DNAJC6: variants seen among roughly 807,000 people sequenced by gnomAD.
The protein encoded by DNAJC6 is DnaJ heat shock protein family (Hsp40) member C6, also known as auxilin.
DNAJC6 carries 34 observed loss-of-function variants against 110.0 expected under a neutral mutation model. That is an observed-to-expected ratio of 0.31 (90% CI 0.24 to 0.41). The LOEUF (loss-of-function observed/expected upper bound fraction) is 0.41, where lower values mean the gene tolerates loss of function less well. Ranked by LOEUF, DNAJC6 falls within the 10% of genes least tolerant of loss-of-function variation. The pLI is 1.00. For missense variants in DNAJC6, 1,031 were observed against 1,207.8 expected (o/e 0.85, Z 2.17); for synonymous variants, 406 against 437.2 (o/e 0.93, Z 0.89).
At chr1:65,341,786 T>C (rs1645391801) in intron 1 of DNAJC6, among the ~76,000 whole-genome samples, 1 of 147,814 alleles carries the variant, frequency 6.8e-6, no homozygotes, top group Non-Finnish European at 1.5e-5. Context: ...AGGCTGTGTG[T>C]GCCTGTGGGG....
intron 1 of DNAJC6, among the ~76,000 whole-genome samples, chr1:65,337,165 A>T (rs1645345418): frequency 6.8e-6 from 1 of 147,646 alleles, no homozygotes; most frequent in Non-Finnish European, 1.5e-5. Context: ...CATTCAGATT[A>T]GCTTTTTGCA....
chr1:65,311,215 GTTTTTTTTTTTTTTTTTTT>G (rs71056098), intron 1 of DNAJC6, among the ~76,000 whole-genome samples: 2 of 68,830 alleles, frequency 2.9e-5, no homozygotes, highest in African/African-American at 5.5e-5. Context: ...TTTCAGGACT[GTTTTTTTTTTTTTTTTTTT>G]TTTTTTTTGA....
Position 65,383,854 on chromosome 1 carries a change from C to T in DNAJC6, c.667-339C>T, listed in dbSNP as rs1057402781. On this transcript the variant is annotated intron_variant, in intron 5 of 18. Coordinates refer to ENST00000371069, the MANE Select transcript of DNAJC6 (RefSeq NM_001256864.2). ...GCAGCATTTACCTAACCTGTGAGCT[C>T]GTTACTTCCAGTCCTAAACCAAGAG... Among the ~76,000 whole-genome samples, 7 of 152,180 alleles carry T rather than the reference C, an allele frequency of 4.6e-5. 1 individual carries two copies. Among genetic ancestry groups the T allele is most frequent in the Admixed American group, 3.3e-4 (5 of 15,282 alleles).
Position 65,364,622 on chromosome 1 carries a change from T to G in DNAJC6, c.194-13T>G, listed in dbSNP as rs765899995. The G allele has an allele frequency of 5.7e-5, 88 of 1,534,060 alleles. 1 individual carries two copies. The highest frequency in any genetic ancestry group is 1.6e-4 in the Admixed American group (7 of 43,092). On this transcript the variant is annotated splice_polypyrimidine_tract_variant and intron_variant, in intron 1 of 18. Transcript: ENST00000371069. ...ACCATTTTTGTTTGTTTGTTTTTTT[T>G]TTTTTTTGGCAGGTGCCTCATCTCC...
intron 1 of DNAJC6, among the ~76,000 whole-genome samples, chr1:65,318,383 C>T (rs1350961721): frequency 1.3e-5 from 2 of 151,982 alleles, no homozygotes; most frequent in Admixed American, 6.6e-5. Context: ...ATACTGCAGC[C>T]CCAGGGAAAA....
chr1:65,379,336 G>A, intron 4 of DNAJC6, 66 bp from the exon 5 acceptor site: 2 of 1,596,328 alleles, frequency 1.3e-6, no homozygotes, highest in East Asian at 2.2e-5. Flanking sequence ...GTTGGTTGGT[G>A]TGATAACCTG....
intron 1 of DNAJC6, among the ~76,000 whole-genome samples, chr1:65,268,848 CTT>C (rs1653417935): frequency 6.6e-6 from 1 of 151,950 alleles, no homozygotes; most frequent in Non-Finnish European, 1.5e-5. Flanking sequence ...TCCAAATTTT[CTT>C]TTTACTAAGT....
intron 4 of DNAJC6, among the ~76,000 whole-genome samples, chr1:65,378,428 C>T (rs1645787675): frequency 6.6e-6 from 1 of 152,218 alleles, no homozygotes; most frequent in South Asian, 2.1e-4. Context: ...CATTTATTAT[C>T]ACTCTGGGTG....
intron 1 of DNAJC6, among the ~76,000 whole-genome samples, chr1:65,280,049 G>A (rs925337068): frequency 3.3e-5 from 5 of 152,074 alleles, no homozygotes; most frequent in Non-Finnish European, 5.9e-5. Context: ...AGGTTGTTGT[G>A]AGATTAGAAC....
chr1:65,386,016 CT>C (rs1645868663), intron 7 of DNAJC6, 110 bp downstream of exon 7: 2 of 1,099,186 alleles, frequency 1.8e-6, no homozygotes, highest in African/African-American at 3.1e-5. Context: ...TGTGAAATAG[CT>C]GATATATAAA....
At chr1:65,365,198 C>T (rs1645634669) in intron 2 of DNAJC6, among the ~76,000 whole-genome samples, 1 of 152,080 alleles carries the variant, frequency 6.6e-6, no homozygotes, top group African/African-American at 2.4e-5. Context: ...ATAAGCATTA[C>T]CTACGGATTG....
chr1:65,384,129 A>T (rs1645848106), intron 5 of DNAJC6, 64 bp from the exon 6 acceptor site: 1 of 1,347,892 alleles, frequency 7.4e-7, no homozygotes, highest in African/African-American at 1.5e-5. Context: ...AAATTCTGCC[A>T]TTTTCAATGG....
At chr1:65,355,851 G>T (rs769277295) in intron 1 of DNAJC6, among the ~76,000 whole-genome samples, 1 of 145,070 alleles carries the variant, frequency 6.9e-6, no homozygotes, top group Non-Finnish European at 1.5e-5. Flanking sequence ...CTCCAGTCTG[G>T]CTTTGTTAAC....
intron 1 of DNAJC6, among the ~76,000 whole-genome samples, chr1:65,303,904 A>C (rs1329760894): frequency 6.6e-6 from 1 of 152,168 alleles, no homozygotes; most frequent in African/African-American, 2.4e-5. Context: ...GGTCAGATCT[A>C]AGGAATGACC....
chr1:65,375,205 T>C (rs1428102316), intron 4 of DNAJC6, among the ~76,000 whole-genome samples: 2 of 152,270 alleles, frequency 1.3e-5, no homozygotes, highest in East Asian at 3.9e-4. Context: ...CCTCAAGTCA[T>C]CTGCCTGTCT....
chr1:65,353,564 G>A (rs1173605669), intron 1 of DNAJC6, among the ~76,000 whole-genome samples: 1 of 152,144 alleles, frequency 6.6e-6, no homozygotes, highest in Non-Finnish European at 1.5e-5. Context: ...CAACAGCCTG[G>A]TTGTGAACAC....
At chr1:65,404,042 T>C (rs2101632247) in intron 15 of DNAJC6, among the ~76,000 whole-genome samples, 1 of 152,344 alleles carries the variant, frequency 6.6e-6, no homozygotes, top group African/African-American at 2.4e-5. Flanking sequence ...CAGAGTAAGC[T>C]TCCTTAAATA....
At position 65,392,850 on chromosome 1, in the gene DNAJC6, C is replaced by A. The variant is rs752549086; in HGVS notation, c.1888C>A (p.Leu630Ile). The A allele has an allele frequency of 2.3e-5, 35 of 1,521,348 alleles. No homozygotes were observed. The highest frequency in any genetic ancestry group is 2.8e-5 in the Non-Finnish European group (32 of 1,135,780). The allele number at this position is 1,521,348 out of a possible 1,614,324, so 94.2% of individuals were successfully genotyped here. ...SATSTSASPT[L>I]RVGEGATFDP... Reference sequence around the variant, plus strand: ...CACCTCCACCTCTGCGTCTCCAACCCTAAGAGTGGGAGAAGGTAATTTTTT... The same window carrying A: ...CACCTCCACCTCTGCGTCTCCAACCATAAGAGTGGGAGAAGGTAATTTTTT... Residue 630 changes from leucine (L) to isoleucine (I), a missense_variant, in exon 12 of 19, where the codon CTA (leucine) becomes ATA (isoleucine). By Grantham distance (5) the Leu-to-Ile change is conservative. Transcript: ENST00000371069.
At chr1:65,344,829 T>C (rs1645422118) in intron 1 of DNAJC6, among the ~76,000 whole-genome samples, 1 of 152,152 alleles carries the variant, frequency 6.6e-6, no homozygotes, top group Non-Finnish European at 1.5e-5. Flanking sequence ...CTTTGCTTGG[T>C]AAGCCTACCT....
Sources: allele counts gnomAD v4.1 joint callset (sites outside exome capture counted in the v4.1 genomes callset), GRCh38; gene constraint gnomAD v4.1.1; transcripts MANE v1.5; gene names NCBI Gene and HGNC (gene_info 2026-07-23, HGNC 2026-07-21).